Variants in SPAG16 observed in about 807,000 individuals in gnomAD.
SPAG16 encodes the protein sperm-associated antigen 16 protein.
In SPAG16, 86 loss-of-function variants were observed where a neutral mutation model predicts 80.4. That is an observed-to-expected ratio of 1.07 (90% CI 0.90 to 1.28). The LOEUF (loss-of-function observed/expected upper bound fraction) is 1.28, where lower values mean the gene tolerates loss of function less well. SPAG16 is among the 50% of genes most tolerant of loss of function. The pLI is 0.00. For synonymous variants in SPAG16, 294 were observed against 265.9 expected (o/e 1.11, Z -1.03); for missense variants, 870 against 765.3 (o/e 1.14, Z -1.61).
In SPAG16 at chr2:213,640,618, TGTAA is replaced by T. The variant is rs369473867; in HGVS notation, c.1070+150532_1070+150535del. ...GTGATCTGTCTTCAGATCTCCCAGCTGTAAGTACCAGAACCTGCTCTCATGGAGG... is the reference window on the plus strand; with the variant it reads ...GTGATCTGTCTTCAGATCTCCCAGCTGTACCAGAACCTGCTCTCATGGAGG... On this transcript the variant is annotated intron_variant, in intron 10 of 15. Transcript: ENST00000331683. Among the ~76,000 whole-genome samples the T allele has an allele frequency of 2.2e-4, 34 of 152,316 alleles. No individual in the cohort carries two copies. The East Asian group carries it at 6.2e-3, about 28-fold the overall frequency.
chr2:213,296,335 A>G (rs1230003613), intron 2 of SPAG16, among the ~76,000 whole-genome samples: 3 of 152,136 alleles, frequency 2.0e-5, no homozygotes, highest in Non-Finnish European at 4.4e-5. Flanking sequence ...TTTCCTGTTA[A>G]TCGTCCTTCA....
chr2:213,350,990 CA>C (rs1237621031), intron 7 of SPAG16, among the ~76,000 whole-genome samples: 1 of 148,656 alleles, frequency 6.7e-6, no homozygotes, highest in Non-Finnish European at 1.5e-5. Context: ...AAACAAAAAA[CA>C]AATAGCCGGG....
At chr2:213,616,666 C>T (rs144385703) in intron 10 of SPAG16, among the ~76,000 whole-genome samples, 15 of 152,270 alleles carry the variant, frequency 9.9e-5, no homozygotes, top group African/African-American at 2.9e-4. Flanking sequence ...CTCAGTCTAA[C>T]GGCAGAGTTC....
intron 11 of SPAG16, among the ~76,000 whole-genome samples, chr2:213,869,265 A>ATATATATATATATGTATATATATATG (rs2075844356): frequency 2.4e-4 from 6 of 24,802 alleles, no homozygotes; most frequent in African/African-American, 3.2e-4. Context: ...AAAAAAAAAA[A>ATATATATATATATGTATATATATATG]TATATATATA....
At chr2:214,328,676 C>G (rs1344939077) in intron 15 of SPAG16, among the ~76,000 whole-genome samples, 1 of 152,122 alleles carries the variant, frequency 6.6e-6, no homozygotes, top group Non-Finnish European at 1.5e-5. Context: ...TTATATAGTT[C>G]AAAATGCACA....
intron 15 of SPAG16, among the ~76,000 whole-genome samples, chr2:214,282,832 G>A (rs889484534): frequency 1.3e-5 from 2 of 152,132 alleles, no homozygotes; most frequent in African/African-American, 4.8e-5. Context: ...CCAAAACTGT[G>A]AGACACTATG....
At chr2:213,414,028 T>A (rs16850291) in intron 9 of SPAG16, among the ~76,000 whole-genome samples, 3,147 of 152,294 alleles carry the variant, frequency 0.021, 102 homozygotes, top group African/African-American at 0.07. Flanking sequence ...TATAAAATAA[T>A]AGCTAATTGT....
chr2:213,426,175 T>C (rs2069900563), intron 9 of SPAG16, among the ~76,000 whole-genome samples: 1 of 152,204 alleles, frequency 6.6e-6, no homozygotes, highest in Non-Finnish European at 1.5e-5. Context: ...ATGATCTTTA[T>C]TGAAGAAGGA....
At chr2:213,292,705 A>G (rs2062342061) in intron 1 of SPAG16, among the ~76,000 whole-genome samples, 1 of 150,974 alleles carries the variant, frequency 6.6e-6, no homozygotes, top group African/African-American at 2.5e-5. Context: ...CAAAACTATC[A>G]GAAAGATATA....
intron 15 of SPAG16, among the ~76,000 whole-genome samples, chr2:214,399,852 T>A (rs1701608406): frequency 6.6e-6 from 1 of 152,094 alleles, no homozygotes; most frequent in Non-Finnish European, 1.5e-5. Flanking sequence ...TTGCATTTCC[T>A]CTGTTATCAG....
intron 6 of SPAG16, among the ~76,000 whole-genome samples, chr2:213,348,480 C>T (rs955588951): frequency 6.6e-6 from 1 of 152,178 alleles, no homozygotes; most frequent in Admixed American, 6.6e-5. Context: ...CCTCGATGGT[C>T]TTTACAAGTT....
chr2:214,039,953 C>T (rs1328101465), intron 13 of SPAG16, among the ~76,000 whole-genome samples: 1 of 152,096 alleles, frequency 6.6e-6, no homozygotes, highest in Non-Finnish European at 1.5e-5. Flanking sequence ...GCTAGGGGTA[C>T]AGTCATAGGG....
At chr2:214,284,084 A>C (rs373286959) in intron 15 of SPAG16, among the ~76,000 whole-genome samples, 2 of 152,302 alleles carry the variant, frequency 1.3e-5, no homozygotes, top group South Asian at 4.1e-4. Context: ...GTACATTCTT[A>C]AGTAGAGATT....
intron 1 of SPAG16, among the ~76,000 whole-genome samples, chr2:213,294,532 A>G (rs1468164031): frequency 6.6e-6 from 1 of 152,194 alleles, no homozygotes; most frequent in East Asian, 1.9e-4. Context: ...TTGTTTAATC[A>G]TTTAACTAGC....
At chr2:213,809,146 A>G (rs1250045798) in intron 10 of SPAG16, among the ~76,000 whole-genome samples, 1 of 152,194 alleles carries the variant, frequency 6.6e-6, no homozygotes, top group African/African-American at 2.4e-5. Flanking sequence ...AGCAAGCATG[A>G]GAAGTGGCCT....
intron 9 of SPAG16, among the ~76,000 whole-genome samples, chr2:213,449,129 G>A (rs776167129): frequency 3.3e-5 from 5 of 152,152 alleles, no homozygotes; most frequent in African/African-American, 4.8e-5. Flanking sequence ...TGTGTCTTGT[G>A]CAGTTGAGAT....
intron 1 of SPAG16, among the ~76,000 whole-genome samples, chr2:213,294,685 G>T (rs1366802648): frequency 6.6e-6 from 1 of 152,176 alleles, no homozygotes; most frequent in Non-Finnish European, 1.5e-5. Flanking sequence ...CCCTGCAAGG[G>T]ATAGGGATAA....
At chr2:214,013,877 T>C (rs2047444472) in intron 12 of SPAG16, 74 bp from the exon 13 acceptor site, 1 of 1,441,714 alleles carries the variant, frequency 6.9e-7, no homozygotes, top group Admixed American at 2.3e-5. Flanking sequence ...CTCAGTTCCT[T>C]AAATTATTTT....
chr2:213,901,110 A>C (rs2077203166), intron 11 of SPAG16, among the ~76,000 whole-genome samples: 2 of 152,212 alleles, frequency 1.3e-5, no homozygotes, highest in Non-Finnish European at 2.9e-5. Flanking sequence ...ATGTAAAATA[A>C]GATAAAGCTA....
Sources: gnomAD v4.1 joint callset for allele counts (sites outside exome capture counted in the v4.1 genomes callset) on GRCh38, gnomAD v4.1.1 for gene constraint, MANE v1.5 for transcripts, NCBI Gene and HGNC (gene_info 2026-07-23, HGNC 2026-07-21) for gene names.